Variants in TMEM132D observed in about 807,000 individuals in gnomAD.
TMEM132D encodes the protein mature OL transmembrane protein.
In TMEM132D, 21 loss-of-function variants were observed where a neutral mutation model predicts 62.3. The ratio of observed to expected loss-of-function variants is 0.34; its 90% confidence interval spans 0.24 to 0.49. The LOEUF (loss-of-function observed/expected upper bound fraction) is 0.49, where lower values mean the gene tolerates loss of function less well. TMEM132D is among the 20% of genes least tolerant of loss of function. The pLI is 0.99. For missense variants in TMEM132D, 1,346 were observed against 1,402.8 expected, an observed-to-expected ratio of 0.96 and a Z score of 0.65; for synonymous variants, 621 against 575.6, an observed-to-expected ratio of 1.08 and a Z score of -1.13.
chr12:129,665,422 A>G (rs1880352913), intron 2 of TMEM132D, among the ~76,000 whole-genome samples: 3 of 152,220 alleles, frequency 2.0e-5, no homozygotes, highest in Admixed American at 6.5e-5. Context: ...GAATAGCAGG[A>G]AATGAGCGCG....
At chr12:129,124,142 A>G (rs1424423880) in intron 5 of TMEM132D, among the ~76,000 whole-genome samples, 1 of 152,044 alleles carries the variant, frequency 6.6e-6, no homozygotes, top group East Asian at 1.9e-4. Flanking sequence ...CTTTCTGCAG[A>G]TTTACAGGGT....
At chr12:129,467,686 T>C (rs530455257) in intron 3 of TMEM132D, among the ~76,000 whole-genome samples, 1 of 152,248 alleles carries the variant, frequency 6.6e-6, no homozygotes, top group South Asian at 2.1e-4. Context: ...AGAAAGAATT[T>C]AGGCATGTGG....
chr12:129,644,846 C>T (rs1202695873), intron 2 of TMEM132D, among the ~76,000 whole-genome samples: 1 of 149,814 alleles, frequency 6.7e-6, no homozygotes, highest in East Asian at 2.0e-4. Context: ...AATAGCCCAG[C>T]GTCGTGGCGG....
At chr12:129,804,026 T>G (rs375132732) in intron 1 of TMEM132D, among the ~76,000 whole-genome samples, 2 of 107,086 alleles carry the variant, frequency 1.9e-5, no homozygotes, top group Non-Finnish European at 3.9e-5. Flanking sequence ...AATAACAGGA[T>G]CTGAAATTGT....
rs368154793 is a variant in TMEM132D, at chr12:129,865,969, C to G, written c.79+37292G>C. Among the ~76,000 whole-genome samples the G allele has an allele frequency of 2.8e-4, 43 of 152,202 alleles. No individual in the cohort carries two copies. The East Asian group carries it at 3.1e-3, about 11-fold the overall frequency. ...CTGGGGTTGTCTGGCTGTCTCAGAT[C>G]GTGTGCCTAACGACTAAGACATCGT... On this transcript the variant is annotated intron_variant, in intron 1 of 8. Coordinates refer to ENST00000422113, the MANE Select transcript of TMEM132D (RefSeq NM_133448.3).
rs140974516 is a variant in TMEM132D, at chr12:129,548,489, C to T, written c.969-17284G>A. On this transcript the variant is annotated intron_variant, in intron 2 of 8. Transcript: ENST00000422113. ...TTTCAAGAGATCCCTCTCTCAGTCA[C>T]GCCATAAAATCTGGCTTTCAAGTCA... Among the ~76,000 whole-genome samples the T allele has an allele frequency of 5.3e-5, 8 of 152,334 alleles. No individual in the cohort carries two copies. In the East Asian group the frequency reaches 7.7e-4, roughly 15 times the overall value.
At chr12:129,721,395 T>C (rs1868824079) in intron 1 of TMEM132D, among the ~76,000 whole-genome samples, 1 of 152,118 alleles carries the variant, frequency 6.6e-6, no homozygotes, top group Non-Finnish European at 1.5e-5. Flanking sequence ...ACGGGGTCTT[T>C]CTCTTGGTGC....
Position 129,074,075 on chromosome 12 carries a change from G to T in TMEM132D, c.3100C>A (p.Pro1034Thr), listed in dbSNP as rs775602150. 16 of 1,613,920 alleles carry T rather than the reference G, an allele frequency of 9.9e-6. No homozygotes were observed. In the Admixed American group the frequency reaches 1.5e-4, roughly 15 times the overall value. ...CTTTTTGAGGTAGGGGATGTTGGGG[G>T]CTCACTTTTCTGATCTTTCCCATCA... Reference protein sequence around the residue: ...IIDGKDQKSEPPTSPTSKRKR... With the variant: ...IIDGKDQKSETPTSPTSKRKR... The change falls in exon 9 of 9, where the codon CCC becomes ACC. Residue 1034 changes from proline to threonine, a missense_variant. Transcript: ENST00000422113.
chr12:129,649,470 G>A (rs1358442792), intron 2 of TMEM132D, among the ~76,000 whole-genome samples: 1 of 151,990 alleles, frequency 6.6e-6, no homozygotes, highest in Non-Finnish European at 1.5e-5. Context: ...CATTTGATTG[G>A]GAACCTGATA....
At chr12:129,159,587 T>C (rs1877339352) in intron 5 of TMEM132D, among the ~76,000 whole-genome samples, 1 of 151,730 alleles carries the variant, frequency 6.6e-6, no homozygotes, top group Admixed American at 6.6e-5. Context: ...CAAAACCCTG[T>C]CTCTACTAAA....
intron 5 of TMEM132D, among the ~76,000 whole-genome samples, chr12:129,178,405 C>T (rs1593286766): frequency 6.7e-6 from 1 of 149,074 alleles, no homozygotes; most frequent in South Asian, 2.2e-4. Flanking sequence ...AAAAGTGTTC[C>T]TTTTTCTCCA....
chr12:129,818,803 G>A (rs1205114076), intron 1 of TMEM132D, among the ~76,000 whole-genome samples: 4 of 151,920 alleles, frequency 2.6e-5, no homozygotes, highest in Admixed American at 6.6e-5. Flanking sequence ...GGAAGGCCAA[G>A]GTGGATGGAT....
At chr12:129,780,300 T>C (rs763539628) in intron 1 of TMEM132D, among the ~76,000 whole-genome samples, 2 of 144,680 alleles carry the variant, frequency 1.4e-5, no homozygotes, top group Non-Finnish European at 3.1e-5. Flanking sequence ...AAGAGGACAC[T>C]CAGGGCTTTG....
intron 4 of TMEM132D, among the ~76,000 whole-genome samples, chr12:129,295,285 A>G (rs1006047156): frequency 1.6e-4 from 24 of 151,916 alleles, no homozygotes; most frequent in Admixed American, 6.6e-5. Context: ...CCGGCTACAC[A>G]CTACAGAACA....
chr12:129,393,948 A>G (rs1871354394), intron 3 of TMEM132D, among the ~76,000 whole-genome samples: 1 of 152,018 alleles, frequency 6.6e-6, no homozygotes, highest in African/African-American at 2.4e-5. Context: ...AAAGACATCC[A>G]CCCCACTGTC....
intron 4 of TMEM132D, among the ~76,000 whole-genome samples, chr12:129,330,913 A>T (rs897479866): frequency 6.6e-6 from 1 of 152,176 alleles, no homozygotes; most frequent in African/African-American, 2.4e-5. Flanking sequence ...ATGTCCTCCC[A>T]AGCTTCTTGG....
chr12:129,088,801 T>C (rs1268053170), intron 5 of TMEM132D, among the ~76,000 whole-genome samples: 1 of 36,984 alleles, frequency 2.7e-5, no homozygotes. Context: ...CATGACCGGG[T>C]GTCCTCCCTG....
intron 1 of TMEM132D, among the ~76,000 whole-genome samples, chr12:129,777,630 C>A (rs892377253): frequency 6.6e-6 from 1 of 152,166 alleles, no homozygotes; most frequent in African/African-American, 2.4e-5. Flanking sequence ...AGAAAGAGGA[C>A]AACCACTTAC....
At chr12:129,271,908 T>A (rs2135601349) in intron 4 of TMEM132D, among the ~76,000 whole-genome samples, 1 of 152,032 alleles carries the variant, frequency 6.6e-6, no homozygotes, top group African/African-American at 2.4e-5. Flanking sequence ...TGTTTTATAA[T>A]CCTTTGGGTA....
Sources: gnomAD v4.1 joint callset for allele counts (sites outside exome capture counted in the v4.1 genomes callset) on GRCh38, gnomAD v4.1.1 for gene constraint, MANE v1.5 for transcripts, NCBI Gene and HGNC (gene_info 2026-07-23, HGNC 2026-07-21) for gene names.